Variants in GRID2 observed in about 807,000 individuals in gnomAD.
GRID2 encodes the protein glutamate receptor ionotropic, delta-2.
In GRID2, 33 loss-of-function variants were observed where a neutral mutation model predicts 114.8. The ratio of observed to expected loss-of-function variants is 0.29; its 90% CI spans 0.22 to 0.38. The LOEUF is 0.38. Among genes scored for constraint, GRID2 ranks in the 10% least tolerant of loss-of-function variants. GRID2 has a pLI of 1.00. For synonymous variants in GRID2, 505 were observed against 449.9 expected, an observed-to-expected ratio of 1.12 and a Z score of -1.55; for missense variants, 1,184 against 1,257.7, an observed-to-expected ratio of 0.94 and a Z score of 0.89.
At chr4:93,441,284 T>C (rs891469695) in intron 10 of GRID2, among the ~76,000 whole-genome samples, 3 of 152,090 alleles carry the variant, frequency 2.0e-5, no homozygotes, top group Admixed American at 6.6e-5. Context: ...ATTTCGGATA[T>C]GAAATTCTCT....
chr4:92,958,537 C>T (rs1752582215), intron 2 of GRID2, among the ~76,000 whole-genome samples: 1 of 151,960 alleles, frequency 6.6e-6, no homozygotes, highest in Non-Finnish European at 1.5e-5. Flanking sequence ...TCATGGCATA[C>T]AATTCTTTTT....
intron 4 of GRID2, among the ~76,000 whole-genome samples, chr4:93,126,082 T>G (rs1253595107): frequency 6.6e-6 from 1 of 152,360 alleles, no homozygotes; most frequent in South Asian, 2.1e-4. Flanking sequence ...TATATCATTC[T>G]GTTTTTAGTC....
chr4:92,921,186 G>C (rs1057130388), intron 2 of GRID2, among the ~76,000 whole-genome samples: 3 of 152,050 alleles, frequency 2.0e-5, no homozygotes, highest in Non-Finnish European at 4.4e-5. Flanking sequence ...TCATGCCATG[G>C]TTTTCAGCTT....
At chr4:92,913,200 T>A (rs538584715) in intron 2 of GRID2, among the ~76,000 whole-genome samples, 1 of 151,998 alleles carries the variant, frequency 6.6e-6, no homozygotes, top group South Asian at 2.1e-4. Context: ...TTTGTGAATA[T>A]CAAGTTTGAA....
Position 92,590,112 on chromosome 4 carries a change from A to G in GRID2, c.89-19A>G, listed in dbSNP as rs1376681975. 2 of 1,578,052 alleles carry G rather than the reference A, an allele frequency of 1.3e-6. No individual in the cohort carries two copies. Among genetic ancestry groups the G allele is most frequent in the South Asian group, 2.2e-5 (2 of 89,970 alleles). On this transcript the variant is annotated intron_variant, in intron 1 of 15. Coordinates refer to ENST00000282020, the MANE Select transcript of GRID2 (RefSeq NM_001510.4). ...AATATTTATGTTATTATTTAATGGC[A>G]AAATTCACTTCTTTCTAGGAGCAAT... is the stretch of plus-strand genomic sequence containing the variant.
intron 2 of GRID2, among the ~76,000 whole-genome samples, chr4:92,949,293 TTAAAA>T (rs1751863881): frequency 6.6e-6 from 1 of 152,002 alleles, no homozygotes. Flanking sequence ...AAGATAAAAT[TTAAAA>T]TAAAAATAGG....
chr4:93,501,002 C>T (rs570398161), intron 12 of GRID2, among the ~76,000 whole-genome samples: 1 of 152,012 alleles, frequency 6.6e-6, no homozygotes, highest in South Asian at 2.1e-4. Context: ...TATTAAAATG[C>T]ATATTCTTGA....
chr4:92,332,022 C>G (rs1204017507), intron 1 of GRID2, among the ~76,000 whole-genome samples: 3 of 152,106 alleles, frequency 2.0e-5, no homozygotes, highest in Non-Finnish European at 2.9e-5. Context: ...TCACACATGT[C>G]CTAAACTGGC....
intron 2 of GRID2, among the ~76,000 whole-genome samples, chr4:92,814,416 A>C (rs1428829119): frequency 6.6e-6 from 1 of 152,156 alleles, no homozygotes; most frequent in Non-Finnish European, 1.5e-5. Context: ...ACCCAAAAAG[A>C]ACCTCTTCAT....
chr4:92,318,490 A>G (rs754033477), intron 1 of GRID2, among the ~76,000 whole-genome samples: 15 of 136,748 alleles, frequency 1.1e-4, no homozygotes, highest in African/African-American at 3.8e-4. Context: ...TGCATACTAT[A>G]TGCCTATATG....
intron 8 of GRID2, among the ~76,000 whole-genome samples, chr4:93,384,854 T>A (rs547466237): frequency 1.3e-5 from 2 of 152,284 alleles, no homozygotes; most frequent in Non-Finnish European, 2.9e-5. Context: ...CTAAGAGTTG[T>A]GAATGGACAC....
intron 1 of GRID2, among the ~76,000 whole-genome samples, chr4:92,458,368 C>T (rs535941402): frequency 6.6e-6 from 1 of 152,254 alleles, no homozygotes; most frequent in Admixed American, 6.5e-5. Context: ...TTTGTCATTT[C>T]ATATAAATAT....
intron 14 of GRID2, among the ~76,000 whole-genome samples, chr4:93,632,732 C>A (rs955835112): frequency 1.4e-4 from 21 of 152,004 alleles, no homozygotes; most frequent in African/African-American, 4.3e-4. Context: ...ACTTTCAAGT[C>A]GTTTTTTCCA....
intron 2 of GRID2, among the ~76,000 whole-genome samples, chr4:92,888,968 G>A (rs549755405): frequency 1.3e-5 from 2 of 151,940 alleles, no homozygotes; most frequent in East Asian, 1.9e-4. Flanking sequence ...TTTGGTAATT[G>A]TCTTTCCTTT....
intron 1 of GRID2, among the ~76,000 whole-genome samples, chr4:93,797,381 G>A (rs984025274): frequency 2.0e-5 from 3 of 152,166 alleles, no homozygotes; most frequent in African/African-American, 7.2e-5. Flanking sequence ...CGATGTGCTT[G>A]AGCTTCTAAC....
intron 2 of GRID2, among the ~76,000 whole-genome samples, chr4:92,979,959 C>T (rs925468994): frequency 6.6e-6 from 1 of 152,152 alleles, no homozygotes; most frequent in African/African-American, 2.4e-5. Flanking sequence ...AATTAATCTG[C>T]TTTATCACTA....
chr4:93,001,665 G>A (rs921146742), intron 2 of GRID2, among the ~76,000 whole-genome samples: 1 of 151,668 alleles, frequency 6.6e-6, no homozygotes, highest in Non-Finnish European at 1.5e-5. Flanking sequence ...CCAAATGAAT[G>A]ATGGTCATGG....
intron 2 of GRID2, among the ~76,000 whole-genome samples, chr4:92,776,289 C>A (rs1738789303): frequency 6.6e-6 from 1 of 152,094 alleles, no homozygotes; most frequent in African/African-American, 2.4e-5. Context: ...ATGACACACT[C>A]CAGGGCAAAT....
chr4:92,963,837 A>G (rs1193992199), intron 2 of GRID2, among the ~76,000 whole-genome samples: 1 of 152,020 alleles, frequency 6.6e-6, no homozygotes, highest in Non-Finnish European at 1.5e-5. Flanking sequence ...CATTTCTTAG[A>G]TAATATGACT....
Sources: allele counts gnomAD v4.1 joint callset (sites outside exome capture counted in the v4.1 genomes callset), GRCh38; gene constraint gnomAD v4.1.1; transcripts MANE v1.5; gene names NCBI Gene and HGNC (gene_info 2026-07-23, HGNC 2026-07-21).